Variants in DLEC1 observed in about 807,000 individuals in gnomAD.
DLEC1 encodes DLEC1 cilia and flagella associated protein.
A neutral mutation model predicts 198.1 loss-of-function variants in DLEC1; 146 were observed. The observed-to-expected ratio is 0.74, with a 90% confidence interval of 0.64 to 0.85. The LOEUF is 0.85. DLEC1 is among the 40% of genes least tolerant of loss of function. The pLI is 0.00. For missense variants in DLEC1, 2,233 were observed against 2,220.0 expected (o/e 1.01, Z -0.12); for synonymous variants, 897 against 866.8 (o/e 1.03, Z -0.61).
intron 11 of DLEC1, among the ~76,000 whole-genome samples, 154 bp from the exon 12 acceptor site, chr3:38,093,451 T>G (rs1233406339): frequency 6.6e-6 from 1 of 152,196 alleles, no homozygotes; most frequent in African/African-American, 2.4e-5. Flanking sequence ...CATTAACCTG[T>G]GGGCGGATAT....
intron 1 of DLEC1, 100 bp downstream of exon 1, chr3:38,039,736 G>C (rs1181550204): frequency 1.3e-5 from 19 of 1,461,176 alleles, no homozygotes; most frequent in Non-Finnish European, 1.6e-5. Flanking sequence ...CCAGGATCTG[G>C]GGCTGCAGTT....
At chr3:38,066,672 C>A (rs1697046264) in intron 6 of DLEC1, among the ~76,000 whole-genome samples, 1 of 152,222 alleles carries the variant, frequency 6.6e-6, no homozygotes, top group African/African-American at 2.4e-5. Flanking sequence ...GGTACAAAGA[C>A]AACTAGGCCT....
intron 2 of DLEC1, chr3:38,052,350 G>T: frequency 2.9e-6 from 1 of 339,980 alleles, no homozygotes. Context: ...TTCTCTATGA[G>T]AATGACTGCA....
chr3:38,109,934 T>C (rs1297135145), intron 22 of DLEC1, 165 bp from the exon 23 acceptor site: 1 of 776,712 alleles, frequency 1.3e-6, no homozygotes, highest in African/African-American at 1.8e-5. Flanking sequence ...GCATCATGGG[T>C]GGGCAGGAAA....
intron 10 of DLEC1, among the ~76,000 whole-genome samples, chr3:38,091,549 A>G (rs919377562): frequency 2.6e-5 from 4 of 152,232 alleles, no homozygotes; most frequent in Non-Finnish European, 5.9e-5. Context: ...GCTTCTACAC[A>G]GCAAAGGAAA....
rs996932704 is a variant in DLEC1, at chr3:38,122,856, C to G, written c.*444C>G. On this transcript the variant is annotated 3_prime_UTR_variant, in exon 37 of 37. Coordinates refer to ENST00000308059, the MANE Select transcript of DLEC1 (RefSeq NM_007335.4). ...GCTAAAGAGGGTCTGATGGGTGGCTCAACACCCCACCCACTCCTATACCAT... is the reference window on the plus strand; with the variant it reads ...GCTAAAGAGGGTCTGATGGGTGGCTGAACACCCCACCCACTCCTATACCAT... The G allele has an allele frequency of 4.2e-5, 33 of 780,742 alleles. No individual in the cohort carries two copies. The highest frequency in any genetic ancestry group is 6.4e-5 in the Non-Finnish European group (32 of 501,262). The allele number at this position is 780,742 out of a possible 1,614,324, so 48.4% of individuals were successfully genotyped here.
chr3:38,095,038 C>T lies in DLEC1; in HGVS notation c.2079C>T (p.Asp693=), dbSNP rs1698938723. The T allele has an allele frequency of 5.0e-6, 8 of 1,614,242 alleles. No individual in the cohort carries two copies. Among genetic ancestry groups the T allele is most frequent in the Non-Finnish European group, 6.8e-6 (8 of 1,180,042 alleles). The change falls in exon 13 of 37, where the codon GAC becomes GAT. Residue 693 remains aspartate (D), a synonymous_variant. Transcript: ENST00000308059. ...AGGGGGTTCTAAGCCCCCACACAGACCACGAGTTCATCCTGAGCTTTTCTC... is the reference window on the plus strand; with the variant it reads ...AGGGGGTTCTAAGCCCCCACACAGATCACGAGTTCATCCTGAGCTTTTCTC... The part of the protein sequence containing the change: ...PRKGVLSPHT[D]HEFILSFSPH...
intron 21 of DLEC1, among the ~76,000 whole-genome samples, chr3:38,109,097 G>T (rs1341324463): frequency 6.6e-6 from 1 of 152,224 alleles, no homozygotes; most frequent in African/African-American, 2.4e-5. Context: ...GCCCAGGTGT[G>T]GAACAGATCT....
Position 38,107,755 on chromosome 3 carries a change from A to T in DLEC1, c.3018+18A>T. 1 of 1,611,680 alleles carries T rather than the reference A, an allele frequency of 6.2e-7. No homozygotes were observed. The highest frequency in any genetic ancestry group is 2.2e-5 in the East Asian group (1 of 44,848). On this transcript the variant is annotated intron_variant, in intron 20 of 36. Coordinates refer to ENST00000308059, the MANE Select transcript of DLEC1 (RefSeq NM_007335.4). ...GGGGCAAGGTGAGTGAGCCCACAGC[A>T]TCAGGCAGCAGTCTGCAGCCCTCAG...
Position 38,110,256 on chromosome 3 carries a change from A to G in DLEC1, c.3418A>G (p.Asn1140Asp). The change falls in exon 23 of 37, where the codon AAC becomes GAC. Residue 1140 changes from asparagine (N) to aspartate (D), a missense_variant. Transcript: ENST00000308059. The part of the protein sequence containing the change: ...LKFEYFGSPQ[N>D]SLSKKTSLPN... ...GTTTGAGTATTTCGGGAGCCCCCAA[A>G]ACAGCCTGAGCAAAAAGACCAGCCT... 6.2e-7 allele frequency: 1 copy of G among 1,614,030 alleles called. No homozygotes were observed. Among genetic ancestry groups the G allele is most frequent in the Non-Finnish European group, 8.5e-7 (1 of 1,180,000 alleles).
chr3:38,105,826 TTTGTGTTTCCTGCATTCC>T (rs1270407626), intron 19 of DLEC1, among the ~76,000 whole-genome samples: 5 of 152,226 alleles, frequency 3.3e-5, no homozygotes, highest in Non-Finnish European at 5.9e-5. Context: ...CTGTATGTAT[TTTGTGTTTCCTGCATTCC>T]TTGTGTTTCC....
chr3:38,068,722 G>A (rs1213470915), intron 6 of DLEC1, among the ~76,000 whole-genome samples: 3 of 152,200 alleles, frequency 2.0e-5, no homozygotes, highest in Admixed American at 6.5e-5. Context: ...CTGGACATAT[G>A]GGGGAGAGAT....
At position 38,085,542 on chromosome 3, in the gene DLEC1, C is replaced by T; in HGVS notation, c.1435+95C>T. 2.0e-6 allele frequency: 3 copies of T among 1,477,694 alleles called. No homozygotes were observed. The African/African-American group carries it at 4.2e-5, about 21-fold the overall frequency. The allele number at this position is 1,477,694 out of a possible 1,614,324, so 91.5% of individuals were successfully genotyped here. On this transcript the variant is annotated intron_variant, in intron 8 of 36. Transcript: ENST00000308059. ...CTCAGGTTCCCTTTGTATCAGCACA[C>T]AGCTTGGCTCTCTTGGGCAGGGGCC...
intron 2 of DLEC1, among the ~76,000 whole-genome samples, chr3:38,053,782 A>G (rs1701272480): frequency 6.6e-6 from 1 of 152,084 alleles, no homozygotes; most frequent in Non-Finnish European, 1.5e-5. Flanking sequence ...AAGATAGAGA[A>G]ATCAGATTGT....
chr3:38,045,661 A>G lies in DLEC1; in HGVS notation c.530A>G (p.Gln177Arg), dbSNP rs1443417938. The G allele has an allele frequency of 3.1e-6, 5 of 1,613,714 alleles. No homozygotes were observed. Among genetic ancestry groups the G allele is most frequent in the East Asian group, 4.5e-5 (2 of 44,872 alleles). ...CGGGTCATGAGCCAGGCTGGAGTACAGGACCTCGAGAGCCTTGTCAGGTTG... is the reference window on the plus strand; with the variant it reads ...CGGGTCATGAGCCAGGCTGGAGTACGGGACCTCGAGAGCCTTGTCAGGTTG... ...NERVMSQAGV[Q>R]DLESLVRLPP... The change falls in exon 2 of 37, where the codon CAG becomes CGG. Residue 177 changes from glutamine (Q) to arginine (R), a missense_variant. Physicochemically the swap from Gln to Arg is conservative, Grantham distance 43. Transcript: ENST00000308059.
chr3:38,100,222 C>T (rs908167537), intron 18 of DLEC1, 64 bp from the exon 19 acceptor site: 7 of 1,523,338 alleles, frequency 4.6e-6, no homozygotes, highest in African/African-American at 1.4e-5. Context: ...CATGGCCAGC[C>T]CCCAGTTCCT....
intron 2 of DLEC1, among the ~76,000 whole-genome samples, chr3:38,049,917 A>G (rs577709673): frequency 6.6e-6 from 1 of 152,350 alleles, no homozygotes; most frequent in South Asian, 2.1e-4. Flanking sequence ...ACCAGGGAGT[A>G]CATTTCCCAG....
intron 7 of DLEC1, 69 bp from the exon 8 acceptor site, chr3:38,085,205 C>T: frequency 1.3e-6 from 2 of 1,562,842 alleles, no homozygotes; most frequent in Non-Finnish European, 1.8e-6. Flanking sequence ...GGGGTCTGTA[C>T]CAGCTGAGCT....
rs1699961640 is a variant in DLEC1 at position 38,112,847 on chromosome 3, A to T, written c.3666+486A>T. On this transcript the variant is annotated intron_variant, in intron 25 of 36. Transcript: ENST00000308059. This position sits in a 1 kb window ranked among gnomAD's most constrained non-coding sequence, Gnocchi z 4.8. ...TGTGGGCCGCTGTAGTGTGGAGGAT[A>T]CAGGGATGAATAAGGTAACCAGCAA... Among the ~76,000 whole-genome samples, 1 of 152,208 alleles carries T rather than the reference A, an allele frequency of 6.6e-6. No homozygotes were observed. Among genetic ancestry groups the T allele is most frequent in the African/African-American group, 2.4e-5 (1 of 41,456 alleles).
Sources: allele counts gnomAD v4.1 joint callset (sites outside exome capture counted in the v4.1 genomes callset), GRCh38; gene constraint gnomAD v4.1.1; non-coding constraint Gnocchi (gnomAD v3.1); transcripts MANE v1.5; gene names NCBI Gene and HGNC (gene_info 2026-07-23, HGNC 2026-07-21).